ZNF462: variants seen among roughly 807,000 people sequenced by gnomAD.
The protein encoded by ZNF462 is zinc finger protein 462.
In ZNF462, 10 loss-of-function variants were observed where a neutral mutation model predicts 201.9. The observed-to-expected ratio is 0.05, with a 90% confidence interval of 0.03 to 0.08. The LOEUF (loss-of-function observed/expected upper bound fraction) is 0.08. Among genes scored for constraint, ZNF462 ranks in the 10% least tolerant of loss-of-function variants. The pLI, the probability that ZNF462 is intolerant of heterozygous loss-of-function variation, is 1.00. For missense variants in ZNF462, 2,523 were observed against 3,168.3 expected (o/e 0.80, Z 4.89); for synonymous variants, 1,227 against 1,193.3 (o/e 1.03, Z -0.58).
rs1830733329 is a variant in ZNF462 at position 106,938,656 on chromosome 9, T to G, written c.6236-260T>G. Among the ~76,000 whole-genome samples the G allele has an allele frequency of 6.6e-6, 1 of 152,120 alleles. No individual in the cohort carries two copies. The highest frequency in any genetic ancestry group is 1.5e-5 in the Non-Finnish European group (1 of 68,024). On this transcript the variant is annotated intron_variant, in intron 6 of 12. Transcript: ENST00000277225. The surrounding 1 kb of genome is among the most constrained non-coding windows in gnomAD (Gnocchi z 4.4). Reference sequence around the variant, plus strand: ...TTTGACTTCCTATTGGGGAATTAATTCATAGCTTCACTCCTGTAAGCAGAG... The same window carrying G: ...TTTGACTTCCTATTGGGGAATTAATGCATAGCTTCACTCCTGTAAGCAGAG...
rs1829485259 is a variant in ZNF462 at position 107,005,539 on chromosome 9, T to C, written c.7189+2113T>C. ...GAGAAATGTCTACTCAGATAGATGA[T>C]TTTCTGTTGAGTTGCTTGATTTTCT... On this transcript the variant is annotated intron_variant, in intron 11 of 12. Transcript: ENST00000277225. The surrounding 1 kb of genome is among the most constrained non-coding windows in gnomAD (Gnocchi z 4.4). Among the ~76,000 whole-genome samples the C allele has an allele frequency of 6.6e-6, 1 of 152,136 alleles. No individual in the cohort carries two copies. Among genetic ancestry groups the C allele is most frequent in the African/African-American group, 2.4e-5 (1 of 41,452 alleles).
intron 7 of ZNF462, among the ~76,000 whole-genome samples, chr9:106,957,588 A>G (rs1012543767): frequency 3.3e-5 from 5 of 152,188 alleles, no homozygotes; most frequent in Admixed American, 6.6e-5. Context: ...TATAGTACAT[A>G]TAATATATAT....
At chr9:106,912,057 C>T (rs1364027112) in intron 1 of ZNF462, among the ~76,000 whole-genome samples, 1 of 152,136 alleles carries the variant, frequency 6.6e-6, no homozygotes, top group Non-Finnish European at 1.5e-5. Flanking sequence ...GACAGACATT[C>T]GTAAGGCTGA....
intron 9 of ZNF462, among the ~76,000 whole-genome samples, chr9:106,976,898 A>G (rs1322763100): frequency 6.6e-6 from 1 of 152,162 alleles, no homozygotes; most frequent in Non-Finnish European, 1.5e-5. Flanking sequence ...CTAGTAAGTA[A>G]TCCAGCTGGG....
chr9:106,910,800 C>T (rs567535572), intron 1 of ZNF462, among the ~76,000 whole-genome samples: 3 of 152,244 alleles, frequency 2.0e-5, no homozygotes, highest in Non-Finnish European at 4.4e-5. Context: ...TAGCCTAAAG[C>T]ATATATCCTT....
intron 1 of ZNF462, among the ~76,000 whole-genome samples, chr9:106,867,907 T>G (rs1827412921): frequency 1.3e-5 from 2 of 152,342 alleles, no homozygotes; most frequent in East Asian, 3.9e-4. Flanking sequence ...AATTGATAAT[T>G]GGAGAACAGA....
chr9:106,968,924 C>G lies in ZNF462; in HGVS notation c.6428-3081C>G, dbSNP rs536911279. Among the ~76,000 whole-genome samples the G allele has an allele frequency of 3.9e-5, 6 of 152,294 alleles. No individual in the cohort carries two copies. The East Asian group carries it at 9.6e-4, about 24-fold the overall frequency. On this transcript the variant is annotated intron_variant, in intron 7 of 12. Coordinates refer to ENST00000277225, the MANE Select transcript of ZNF462 (RefSeq NM_021224.6). The surrounding 1 kb of genome is among the most constrained non-coding windows in gnomAD (Gnocchi z 4.0). ...TGGGCACAGAACGACCTCCTTCCTGCTCTTCAGGCCATGCTTCATGAACAA... is the reference window on the plus strand; with the variant it reads ...TGGGCACAGAACGACCTCCTTCCTGGTCTTCAGGCCATGCTTCATGAACAA...
In ZNF462 at chr9:106,930,509, C is replaced by G. The variant is rs756571344; in HGVS notation, c.5848-16C>G. Reference sequence around the variant, plus strand: ...GAGGGCTCGGAGTACTGATGGCTACCACTGTATTTTACCAGCCTTTTGGTC... The same window carrying G: ...GAGGGCTCGGAGTACTGATGGCTACGACTGTATTTTACCAGCCTTTTGGTC... On this transcript the variant is annotated splice_polypyrimidine_tract_variant and intron_variant, in intron 3 of 12. Coordinates refer to ENST00000277225, the MANE Select transcript of ZNF462 (RefSeq NM_021224.6). The surrounding 1 kb of genome is among the most constrained non-coding windows in gnomAD (Gnocchi z 5.8). 5 of 1,613,674 alleles carry G rather than the reference C, an allele frequency of 3.1e-6. No homozygotes were observed. Among genetic ancestry groups the G allele is most frequent in the Middle Eastern group, 1.6e-4 (1 of 6,062 alleles).
In ZNF462 at chr9:106,962,198, G is replaced by A. The variant is rs546598043; in HGVS notation, c.6428-9807G>A. On this transcript the variant is annotated intron_variant, in intron 7 of 12. Coordinates refer to ENST00000277225, the MANE Select transcript of ZNF462 (RefSeq NM_021224.6). The surrounding 1 kb of genome is among the most constrained non-coding windows in gnomAD (Gnocchi z 4.6). The stretch of plus-strand genomic sequence containing the variant: ...CAGTAGAAGTTCACACAGCAACCAC[G>A]AGGGCCTGAACAAAAGCCATGGCAG... 5.8e-4 allele frequency among the ~76,000 whole-genome samples: 89 copies of A among 152,142 alleles called. No homozygotes were observed. Among genetic ancestry groups the A allele is most frequent in the African/African-American group, 2.1e-3 (86 of 41,552 alleles).
In ZNF462 at chr9:106,974,779, T is replaced by A. The variant is rs1826871837; in HGVS notation, c.6832+506T>A. 6.3e-6 allele frequency: 1 copy of A among 158,208 alleles called. No individual in the cohort carries two copies. The highest frequency in any genetic ancestry group is 1.4e-5 in the Non-Finnish European group (1 of 70,876). 9.8% of individuals were successfully genotyped at this position (158,208 alleles called of 1,614,324 possible). A position where few individuals can be genotyped will look rare whatever the true frequency, so the allele number is the denominator to read the frequency against. On this transcript the variant is annotated intron_variant, in intron 9 of 12. Coordinates refer to ENST00000277225, the MANE Select transcript of ZNF462 (RefSeq NM_021224.6). This position sits in a 1 kb window ranked among gnomAD's most constrained non-coding sequence, Gnocchi z 4.0. ...TATTATACATTCTAATAATAGTCTC[T>A]ATTATATATTCTAATAATAATTAGA...
rs750552434 is a variant in ZNF462, at chr9:106,972,085, C to T, written c.6508C>T (p.Arg2170Cys). The change falls in exon 8 of 13, where the codon CGT (arginine) becomes TGT (cysteine). Residue 2170 changes from arginine (R) to cysteine (C), a missense_variant. This residue lies in a region of ZNF462 where 138 missense variants were observed against 146.3 expected (regional missense o/e 0.94). Coordinates refer to ENST00000277225, the MANE Select transcript of ZNF462 (RefSeq NM_021224.6). The surrounding 1 kb of genome is among the most constrained non-coding windows in gnomAD (Gnocchi z 4.8). ...QSAALARNNS[R>C]VSPVPLSGAA... Reference sequence around the variant, plus strand: ...AGCTGCCCTGGCAAGGAACAACAGCCGTGTTAGCCCTGTGCCTCTTTCTGG... The same window carrying T: ...AGCTGCCCTGGCAAGGAACAACAGCTGTGTTAGCCCTGTGCCTCTTTCTGG... The T allele has an allele frequency of 1.5e-5, 24 of 1,614,046 alleles. No homozygotes were observed. Among genetic ancestry groups the T allele is most frequent in the African/African-American group, 5.3e-5 (4 of 74,918 alleles).
At chr9:106,908,926 T>TATATAC (rs1564090723) in intron 1 of ZNF462, among the ~76,000 whole-genome samples, 1 of 34,492 alleles carries the variant, frequency 2.9e-5, no homozygotes, top group Non-Finnish European at 5.3e-5. Context: ...TATATATATA[T>TATATAC]ATATATATAT....
Position 106,910,763 on chromosome 9 carries a change from CCA to C in ZNF462, c.-30-12590_-30-12589del, listed in dbSNP as rs1224977545. Among the ~76,000 whole-genome samples the C allele has an allele frequency of 2.0e-5, 3 of 152,182 alleles. No individual in the cohort carries two copies. The East Asian group carries it at 5.8e-4, about 29-fold the overall frequency. On this transcript the variant is annotated intron_variant, in intron 1 of 12. Transcript: ENST00000277225. Reference sequence around the variant, plus strand: ...GTTAGCAGTGTGAGACAATTAGCCACCATTTTTTTCTGGAAGTTTCTTTGGTT... The same window carrying C: ...GTTAGCAGTGTGAGACAATTAGCCACTTTTTTTCTGGAAGTTTCTTTGGTT...
In ZNF462 at chr9:106,929,073, G is replaced by A. The variant is rs1168511447; in HGVS notation, c.5161G>A (p.Asp1721Asn). ...GLAAHYQKRH[D>N]IDAYYTHCLA... ...GGCAGCCCACTACCAGAAGCGCCAC[G>A]ACATTGATGCGTATTACACTCACTG... The change falls in exon 3 of 13, where the codon GAC becomes AAC. Residue 1721 changes from aspartate (D) to asparagine (N), a missense_variant. By Grantham distance (23) the Asp-to-Asn change is conservative. Around this residue, in one of 15 missense-constraint regions of ZNF462, gnomAD observed 17 missense variants for 57.6 expected, o/e 0.29. Coordinates refer to ENST00000277225, the MANE Select transcript of ZNF462 (RefSeq NM_021224.6). This position sits in a 1 kb window ranked among gnomAD's most constrained non-coding sequence, Gnocchi z 8.7. 12 of 1,613,946 alleles carry A rather than the reference G, an allele frequency of 7.4e-6. No homozygotes were observed. The highest frequency in any genetic ancestry group is 1.7e-5 in the Admixed American group (1 of 59,986).
chr9:106,972,115 G>C lies in ZNF462; in HGVS notation c.6538G>C (p.Ala2180Pro). 6.2e-7 allele frequency: 1 copy of C among 1,614,206 alleles called. No individual in the cohort carries two copies. Among genetic ancestry groups the C allele is most frequent in the Non-Finnish European group, 8.5e-7 (1 of 1,180,028 alleles). Residue 2180 changes from alanine (A) to proline (P), a missense_variant, in exon 8 of 13, where the codon GCT becomes CCT. Physicochemically the swap from Ala to Pro is conservative, Grantham distance 27. This residue lies in a region of ZNF462 where 228 missense variants were observed against 361.2 expected (regional missense o/e 0.63). Coordinates refer to ENST00000277225, the MANE Select transcript of ZNF462 (RefSeq NM_021224.6). The surrounding 1 kb of genome is among the most constrained non-coding windows in gnomAD (Gnocchi z 4.8). ...TAGCCCTGTGCCTCTTTCTGGGGCT[G>C]CTGCTGGCACTGAGCAGAAAACTGA... ...RVSPVPLSGA[A>P]AGTEQKTEAV...
Position 106,993,092 on chromosome 9 carries a change from T to G in ZNF462, c.7056+8683T>G, listed in dbSNP as rs535522344. ...AAATAGCATTAGGTGATTTGTGTGG[T>G]GGGGAGAATCTACAGAATAAACTAT... On this transcript the variant is annotated intron_variant, in intron 10 of 12. Transcript: ENST00000277225. This position sits in a 1 kb window ranked among gnomAD's most constrained non-coding sequence, Gnocchi z 4.0. Among the ~76,000 whole-genome samples the G allele has an allele frequency of 1.2e-4, 19 of 152,262 alleles. No individual in the cohort carries two copies. The highest frequency in any genetic ancestry group is 4.1e-4 in the African/African-American group (17 of 41,562).
Position 106,926,236 on chromosome 9 carries a change from G to A in ZNF462, c.2324G>A (p.Arg775Lys), listed in dbSNP as rs770395346. The A allele has an allele frequency of 1.2e-6, 2 of 1,614,082 alleles. No individual in the cohort carries two copies. The highest frequency in any genetic ancestry group is 1.7e-6 in the Non-Finnish European group (2 of 1,180,044). ...GAGCCCCAGAAAGAGCCCAACTTCA[G>A]AAACATCACCCACGATTACAATGCC... ...TSEPQKEPNF[R>K]NITHDYNATN... Residue 775 changes from arginine (R) to lysine (K), a missense_variant, in exon 3 of 13, where the codon AGA becomes AAA. This residue lies in a region of ZNF462 where 383 missense variants were observed against 453.4 expected (regional missense o/e 0.84). Coordinates refer to ENST00000277225, the MANE Select transcript of ZNF462 (RefSeq NM_021224.6). The surrounding 1 kb of genome is among the most constrained non-coding windows in gnomAD (Gnocchi z 7.9).
At position 107,009,438 on chromosome 9, in the gene ZNF462, T is replaced by C. The variant is rs957630503; in HGVS notation, c.7190-107T>C. The stretch of plus-strand genomic sequence containing the variant: ...GAATCTGGAAATTGCTTTCACCACA[T>C]GGCTTTATCAGTGAAGGTAGGAGAG... On this transcript the variant is annotated intron_variant, in intron 11 of 12. Coordinates refer to ENST00000277225, the MANE Select transcript of ZNF462 (RefSeq NM_021224.6). This position sits in a 1 kb window ranked among gnomAD's most constrained non-coding sequence, Gnocchi z 6.1. 2.1e-6 allele frequency: 3 copies of C among 1,457,900 alleles called. No homozygotes were observed. The highest frequency in any genetic ancestry group is 2.8e-6 in the Non-Finnish European group (3 of 1,073,444). The allele number at this position is 1,457,900 out of a possible 1,614,324, so 90.3% of individuals were successfully genotyped here.
rs775418843 is a variant in ZNF462 at position 106,972,177 on chromosome 9, C to T, written c.6600C>T (p.Ser2200=). Reference sequence around the variant, plus strand: ...ACTGCGAATTCTGTGAATTCTCCTCCGGCTACATCCAGAGCATCAGGCGTC... The same window carrying T: ...ACTGCGAATTCTGTGAATTCTCCTCTGGCTACATCCAGAGCATCAGGCGTC... ...VLHCEFCEFS[S]GYIQSIRRHY... is the part of the protein sequence containing the mutation. The change falls in exon 8 of 13, where the codon TCC becomes TCT. Residue 2200 remains serine (S), a synonymous_variant. Transcript: ENST00000277225. This position sits in a 1 kb window ranked among gnomAD's most constrained non-coding sequence, Gnocchi z 4.8. 1.8e-5 allele frequency: 29 copies of T among 1,614,098 alleles called. No homozygotes were observed. In the East Asian group the frequency reaches 2.5e-4, roughly 14 times the overall value.
Sources: gnomAD v4.1 joint callset for allele counts (sites outside exome capture counted in the v4.1 genomes callset) on GRCh38, gnomAD v4.1.1 for gene constraint, gnomAD v4.1.1 regional missense constraint, Gnocchi (gnomAD v3.1) non-coding constraint, MANE v1.5 for transcripts, NCBI Gene and HGNC (gene_info 2026-07-23, HGNC 2026-07-21) for gene names.